The following ENOX1 variants were observed in gnomAD, a reference collection of about 807,000 sequenced individuals.
The protein encoded by ENOX1 is candidate growth-related and time keeping constitutive hydroquinone (NADH) oxidase.
A neutral mutation model predicts 82.5 loss-of-function variants in ENOX1; 42 were observed. That is an observed-to-expected ratio of 0.51 (90% CI 0.40 to 0.66). The LOEUF (loss-of-function observed/expected upper bound fraction) is 0.66, where lower values mean the gene tolerates loss of function less well. ENOX1 is among the 30% of genes least tolerant of loss of function. ENOX1 has a pLI of 0.00. For missense variants in ENOX1, 608 were observed against 811.6 expected (o/e 0.75, Z 3.05); for synonymous variants, 271 against 282.2 (o/e 0.96, Z 0.40).
rs780503530 is a variant in ENOX1, at chr13:43,673,169, A to ATGTG, written c.-284-5629_-284-5626dup. On this transcript the variant is annotated intron_variant, in intron 1 of 16. Transcript: ENST00000690772. Reference sequence around the variant, plus strand: ...GCTTCCTTCCATAAAATTTGTTTGCATGTGTGTATATATATATATATATAC... The same window carrying ATGTG: ...GCTTCCTTCCATAAAATTTGTTTGCATGTGTGTGTGTATATATATATATATATAC... Among the ~76,000 whole-genome samples the ATGTG allele has an allele frequency of 1.5e-3, 189 of 121,982 alleles. 2 individuals are homozygous for ATGTG. Among genetic ancestry groups the ATGTG allele is most frequent in the African/African-American group, 7.5e-3 (179 of 23,800 alleles). 80.0% of individuals were successfully genotyped at this position (121,982 alleles called of 152,430 possible).
chr13:43,306,837 GCA>G (rs10536023), intron 11 of ENOX1, among the ~76,000 whole-genome samples: 144,991 of 152,150 alleles, frequency 0.95, 69,507 homozygotes, highest in East Asian at 1. Flanking sequence ...ACACACACAC[GCA>G]CACACACAGT....
chr13:43,573,061 C>T (rs2080254081), intron 2 of ENOX1, among the ~76,000 whole-genome samples: 1 of 152,144 alleles, frequency 6.6e-6, no homozygotes, highest in African/African-American at 2.4e-5. Flanking sequence ...ATAAGGCATT[C>T]CAGAAAGAAA....
chr13:43,729,672 T>C (rs1190004770), intron 1 of ENOX1, among the ~76,000 whole-genome samples: 1 of 152,162 alleles, frequency 6.6e-6, no homozygotes, highest in African/African-American at 2.4e-5. Flanking sequence ...TTGTTCCAAG[T>C]GGAATTAAGT....
chr13:43,750,284 C>T (rs1176531197), intron 1 of ENOX1, among the ~76,000 whole-genome samples: 1 of 152,162 alleles, frequency 6.6e-6, no homozygotes, highest in Non-Finnish European at 1.5e-5. Context: ...ACAGTAGAAT[C>T]AGTGCAGATG....
intron 2 of ENOX1, among the ~76,000 whole-genome samples, chr13:43,541,179 T>TTTTTTTTTTTGTTG (rs2078703314): frequency 2.7e-5 from 1 of 37,276 alleles, no homozygotes; most frequent in African/African-American, 1.0e-4. Context: ...CTCTGTTTTT[T>TTTTTTTTTTTGTTG]TTTTTTTTTT....
At chr13:43,294,658 A>G (rs1202219128) in intron 12 of ENOX1, among the ~76,000 whole-genome samples, 2 of 152,210 alleles carry the variant, frequency 1.3e-5, no homozygotes, top group East Asian at 3.8e-4. Flanking sequence ...AATTATGTCT[A>G]CACAAAAAGC....
intron 2 of ENOX1, among the ~76,000 whole-genome samples, chr13:43,575,173 A>G (rs2080363504): frequency 6.6e-6 from 1 of 152,196 alleles, no homozygotes; most frequent in Non-Finnish European, 1.5e-5. Context: ...TGAAAAAGAA[A>G]CCTCGTGAAG....
intron 3 of ENOX1, among the ~76,000 whole-genome samples, chr13:43,448,541 T>C (rs1309725037): frequency 6.6e-6 from 1 of 152,064 alleles, no homozygotes; most frequent in African/African-American, 2.4e-5. Context: ...GGGAGAAAAG[T>C]GAAGAGAAAA....
intron 2 of ENOX1, among the ~76,000 whole-genome samples, chr13:43,653,869 G>GA (rs1038964114): frequency 6.6e-5 from 10 of 151,116 alleles, no homozygotes; most frequent in Admixed American, 3.3e-4. Context: ...CAATTTGACA[G>GA]AAAAAAAAAG....
chr13:43,618,460 T>TA (rs1566647562), intron 2 of ENOX1, among the ~76,000 whole-genome samples: 4 of 152,234 alleles, frequency 2.6e-5, no homozygotes, highest in African/African-American at 9.6e-5. Flanking sequence ...TACATGTGGC[T>TA]AGCCAATTAT....
intron 3 of ENOX1, among the ~76,000 whole-genome samples, chr13:43,467,154 A>G (rs1566295403): frequency 6.6e-6 from 1 of 152,184 alleles, no homozygotes; most frequent in East Asian, 1.9e-4. Flanking sequence ...GGAGCGAGAT[A>G]ACTCTATGAT....
At chr13:43,601,948 G>A (rs971098265) in intron 2 of ENOX1, among the ~76,000 whole-genome samples, 4 of 152,020 alleles carry the variant, frequency 2.6e-5, no homozygotes, top group Admixed American at 2.6e-4. Flanking sequence ...AGTATATCCA[G>A]TGAAAATATC....
chr13:43,672,178 C>A (rs1277775082), intron 1 of ENOX1, among the ~76,000 whole-genome samples: 1 of 152,124 alleles, frequency 6.6e-6, no homozygotes, highest in Non-Finnish European at 1.5e-5. Flanking sequence ...ACGCCCTGCA[C>A]TTACATCTGA....
intron 2 of ENOX1, among the ~76,000 whole-genome samples, chr13:43,595,017 G>C (rs1164794037): frequency 6.6e-6 from 1 of 151,536 alleles, no homozygotes; most frequent in East Asian, 1.9e-4. Context: ...GTTTATCAGA[G>C]AGGCGGGTGG....
rs913792948 is a variant in ENOX1 at position 43,339,226 on chromosome 13, C to T, written c.1036+5312G>A. On this transcript the variant is annotated intron_variant, in intron 9 of 16. Transcript: ENST00000690772. ...TTATGTTATTATGAATGACTTGTGA[C>T]GTTTTTCAAACAACTTTTGTTAAGC... Among the ~76,000 whole-genome samples, 7 of 152,302 alleles carry T rather than the reference C, an allele frequency of 4.6e-5. No homozygotes were observed. In the East Asian group the frequency reaches 7.7e-4, roughly 17 times the overall value.
intron 1 of ENOX1, among the ~76,000 whole-genome samples, chr13:43,758,496 G>T (rs900874985): frequency 6.6e-6 from 1 of 152,218 alleles, no homozygotes; most frequent in Non-Finnish European, 1.5e-5. Flanking sequence ...GAGGAAGGTG[G>T]ATGTGCATAG....
chr13:43,228,113 T>C (rs1486427952), intron 15 of ENOX1, among the ~76,000 whole-genome samples: 1 of 150,688 alleles, frequency 6.6e-6, no homozygotes, highest in African/African-American at 2.4e-5. Flanking sequence ...TTTTTTTTTT[T>C]TTTTTTTTAA....
chr13:43,237,716 A>G (rs2042617652), intron 14 of ENOX1, among the ~76,000 whole-genome samples: 1 of 152,248 alleles, frequency 6.6e-6, no homozygotes, highest in South Asian at 2.1e-4. Context: ...TAGTTAGTAC[A>G]AAGTAACAAA....
intron 15 of ENOX1, 44 bp from the exon 16 acceptor site, chr13:43,224,182 G>C: frequency 2.7e-6 from 4 of 1,473,862 alleles, no homozygotes; most frequent in Non-Finnish European, 3.8e-6. Flanking sequence ...AAAGGCATAT[G>C]AGAGTCTCTG....
Sources: allele counts gnomAD v4.1 joint callset (sites outside exome capture counted in the v4.1 genomes callset), GRCh38; gene constraint gnomAD v4.1.1; transcripts MANE v1.5; gene names NCBI Gene and HGNC (gene_info 2026-07-23, HGNC 2026-07-21).